RERE: variants seen among roughly 807,000 people sequenced by gnomAD.
RERE encodes arginine-glutamic acid dipeptide repeats protein.
In RERE, 40 loss-of-function variants were observed where a neutral mutation model predicts 146.1. The ratio of observed to expected loss-of-function variants is 0.27; its 90% confidence interval spans 0.21 to 0.36. The LOEUF is 0.36. RERE is among the 10% of genes least tolerant of loss of function. RERE has a pLI of 1.00. For synonymous variants in RERE, 1,003 were observed against 866.0 expected, an observed-to-expected ratio of 1.16 and a Z score of -2.78; for missense variants, 1,933 against 2,138.7, an observed-to-expected ratio of 0.90 and a Z score of 1.90.
At chr1:8,521,611 A>C (rs186692386) in intron 7 of RERE, among the ~76,000 whole-genome samples, 1 of 152,358 alleles carries the variant, frequency 6.6e-6, no homozygotes, top group East Asian at 1.9e-4. Flanking sequence ...AAGCACTTCC[A>C]AGTTGTTTTC....
At chr1:8,581,916 T>C (rs1646370920) in intron 4 of RERE, among the ~76,000 whole-genome samples, 1 of 152,180 alleles carries the variant, frequency 6.6e-6, no homozygotes, top group Non-Finnish European at 1.5e-5. Context: ...TTTTTTCCAT[T>C]TGAGTTATGC....
chr1:8,651,091 G>A (rs556289002), intron 2 of RERE, among the ~76,000 whole-genome samples: 17 of 150,596 alleles, frequency 1.1e-4, no homozygotes, highest in African/African-American at 3.2e-4. Context: ...CTGAGACTAC[G>A]TCTCAAAAAA....
intron 1 of RERE, among the ~76,000 whole-genome samples, chr1:8,710,342 G>C (rs1639641455): frequency 6.6e-6 from 1 of 152,092 alleles, no homozygotes; most frequent in Non-Finnish European, 1.5e-5. Context: ...AAAATAACTA[G>C]AAATAACATC....
intron 11 of RERE, among the ~76,000 whole-genome samples, chr1:8,438,101 C>A (rs1644195783): frequency 6.6e-6 from 1 of 152,184 alleles, no homozygotes; most frequent in African/African-American, 2.4e-5. Context: ...CTGGCTCGGC[C>A]TCCCAAGTAG....
chr1:8,593,490 G>GCTCCTTATTTGC (rs36217847), intron 4 of RERE, among the ~76,000 whole-genome samples: 2 of 152,160 alleles, frequency 1.3e-5, no homozygotes, highest in South Asian at 2.1e-4. Context: ...ACATGACTTT[G>GCTCCTTATTTGC]CTCCTTATTT....
intron 11 of RERE, among the ~76,000 whole-genome samples, chr1:8,437,246 C>G (rs1209920774): frequency 2.0e-5 from 3 of 152,052 alleles, no homozygotes; most frequent in Non-Finnish European, 4.4e-5. Context: ...GTTTCCCCTT[C>G]TTGACAATAC....
In RERE at chr1:8,361,744, G is replaced by A. The variant is rs772149559; in HGVS notation, c.2016+19C>T. On this transcript the variant is annotated intron_variant, in intron 17 of 22. Transcript: ENST00000400908. Reference sequence around the variant, plus strand: ...AGAAGCATTAGCTTTACTCAGCAAGGCTCAGCAGCAAACCTCACCTGCGTT... The same window carrying A: ...AGAAGCATTAGCTTTACTCAGCAAGACTCAGCAGCAAACCTCACCTGCGTT... The A allele has an allele frequency of 6.3e-7, 1 of 1,587,802 alleles. No homozygotes were observed. Among genetic ancestry groups the A allele is most frequent in the East Asian group, 2.2e-5 (1 of 44,744 alleles).
chr1:8,521,634 CA>C (rs1299923985), intron 7 of RERE, among the ~76,000 whole-genome samples: 1 of 152,124 alleles, frequency 6.6e-6, no homozygotes, highest in Non-Finnish European at 1.5e-5. Flanking sequence ...CTAATCTTTA[CA>C]AAAACTGTAA....
At chr1:8,506,904 T>C (rs755782994) in intron 8 of RERE, among the ~76,000 whole-genome samples, 1 of 152,106 alleles carries the variant, frequency 6.6e-6, no homozygotes, top group Non-Finnish European at 1.5e-5. Flanking sequence ...AGCCCAACTA[T>C]AGGAGCAAAT....
chr1:8,467,149 G>T (rs1393356750), intron 10 of RERE, among the ~76,000 whole-genome samples: 1 of 152,164 alleles, frequency 6.6e-6, no homozygotes, highest in Non-Finnish European at 1.5e-5. Flanking sequence ...AAACAACACA[G>T]AGATCCCCGT....
intron 10 of RERE, among the ~76,000 whole-genome samples, chr1:8,489,958 A>T (rs1644954876): frequency 6.6e-6 from 1 of 151,672 alleles, no homozygotes; most frequent in South Asian, 2.1e-4. Flanking sequence ...GCTGAGGCAG[A>T]AGAATGGCGT....
intron 12 of RERE, among the ~76,000 whole-genome samples, chr1:8,372,686 G>A (rs1642086935): frequency 6.6e-6 from 1 of 152,242 alleles, no homozygotes; most frequent in African/African-American, 2.4e-5. Flanking sequence ...GATGAGGACT[G>A]CTGGCCTTAC....
intron 12 of RERE, among the ~76,000 whole-genome samples, chr1:8,399,127 G>T (rs1318882980): frequency 6.6e-6 from 1 of 150,866 alleles, no homozygotes; most frequent in African/African-American, 2.4e-5. Context: ...ATGCATTCTA[G>T]ATACTAATCC....
intron 10 of RERE, among the ~76,000 whole-genome samples, chr1:8,480,075 T>C (rs755818718): frequency 6.6e-6 from 1 of 151,960 alleles, no homozygotes; most frequent in Non-Finnish European, 1.5e-5. Flanking sequence ...AACTCAAACA[T>C]GTTAATTACC....
Position 8,419,413 on chromosome 1 carries a change from C to A in RERE, c.1284+3314G>T, listed in dbSNP as rs111780380. Among the ~76,000 whole-genome samples, 1,172 of 152,242 alleles carry A rather than the reference C, an allele frequency of 7.7e-3. 4 individuals are homozygous for A. Among genetic ancestry groups the A allele is most frequent in the African/African-American group, 0.027 (1,115 of 41,524 alleles). ...GTTTACGTCTATGCCCACCAGGAAC[C>A]CTTCTCTGCTATAACCGCATGAATG... On this transcript the variant is annotated intron_variant, in intron 12 of 22. Coordinates refer to ENST00000400908, the MANE Select transcript of RERE (RefSeq NM_001042681.2).
intron 3 of RERE, among the ~76,000 whole-genome samples, chr1:8,618,208 T>C (rs1238377131): frequency 3.3e-5 from 5 of 152,228 alleles, no homozygotes; most frequent in Non-Finnish European, 7.3e-5. Context: ...ACAATCAGTG[T>C]CATTCTATGG....
chr1:8,399,319 T>C (rs1643168455), intron 12 of RERE, among the ~76,000 whole-genome samples: 1 of 152,196 alleles, frequency 6.6e-6, no homozygotes, highest in African/African-American at 2.4e-5. Flanking sequence ...AAATGTTCTA[T>C]TTTCTTACAG....
At chr1:8,687,586 T>G (rs1639118673) in intron 1 of RERE, among the ~76,000 whole-genome samples, 1 of 152,180 alleles carries the variant, frequency 6.6e-6, no homozygotes, top group African/African-American at 2.4e-5. Context: ...TCTAACAAAC[T>G]GCTGAAAATG....
chr1:8,577,637 G>A (rs1290626250), intron 4 of RERE, among the ~76,000 whole-genome samples: 1 of 152,216 alleles, frequency 6.6e-6, no homozygotes, highest in African/African-American at 2.4e-5. Flanking sequence ...GTTTCTGAAA[G>A]TGAATAGGCA....
Sources: allele counts gnomAD v4.1 joint callset (sites outside exome capture counted in the v4.1 genomes callset), GRCh38; gene constraint gnomAD v4.1.1; transcripts MANE v1.5; gene names NCBI Gene and HGNC (gene_info 2026-07-23, HGNC 2026-07-21).